The following MGMT variants were observed in gnomAD, a reference collection of about 807,000 sequenced individuals.
The protein encoded by MGMT is methylated-DNA--protein-cysteine methyltransferase.
In MGMT, 14 loss-of-function variants were observed where a neutral mutation model predicts 15.9. The observed-to-expected ratio is 0.88, with a 90% CI of 0.58 to 1.37. The LOEUF (loss-of-function observed/expected upper bound fraction) is 1.37, where lower values mean the gene tolerates loss of function less well. MGMT is among the 40% of genes most tolerant of loss of function. The pLI, the probability that MGMT is intolerant of heterozygous loss-of-function variation, is 0.00. For synonymous variants in MGMT, 130 were observed against 118.2 expected (o/e 1.10, Z -0.65); for missense variants, 282 against 268.1 (o/e 1.05, Z -0.36).
chr10:129,747,592 T>A (rs926972349), intron 3 of MGMT, among the ~76,000 whole-genome samples: 7 of 152,228 alleles, frequency 4.6e-5, no homozygotes, highest in Admixed American at 1.3e-4. Flanking sequence ...ATACCATTGA[T>A]TCTTATTATG....
At chr10:129,541,574 C>T (rs963502372) in intron 2 of MGMT, among the ~76,000 whole-genome samples, 4 of 152,172 alleles carry the variant, frequency 2.6e-5, no homozygotes, top group African/African-American at 9.7e-5. Context: ...CTGGGTCATA[C>T]TTAGATTACA....
chr10:129,759,407 G>C (rs1368774777), intron 4 of MGMT, 66 bp downstream of exon 4: 1 of 1,604,928 alleles, frequency 6.2e-7, no homozygotes, highest in East Asian at 2.2e-5. Flanking sequence ...GGTGTCATCT[G>C]ATCCCACGTG....
At chr10:129,544,462 G>A (rs1331602633) in intron 2 of MGMT, among the ~76,000 whole-genome samples, 2 of 152,216 alleles carry the variant, frequency 1.3e-5, no homozygotes, top group African/African-American at 4.8e-5. Flanking sequence ...GGGGGTTTGG[G>A]TGTAGCCCCG....
At chr10:129,517,639 T>C (rs60407261) in intron 1 of MGMT, among the ~76,000 whole-genome samples, 37,833 of 152,178 alleles carry the variant, frequency 0.25, 5,666 homozygotes, top group African/African-American at 0.42. Flanking sequence ...ACAAGGCTTC[T>C]TGAGGGTGGG....
intron 2 of MGMT, among the ~76,000 whole-genome samples, chr10:129,695,158 A>G (rs751537780): frequency 2.6e-5 from 4 of 152,216 alleles, no homozygotes; most frequent in Non-Finnish European, 5.9e-5. Context: ...TAGTCAAGAT[A>G]CTTGTCTGAG....
At chr10:129,559,158 G>A (rs1435706180) in intron 2 of MGMT, among the ~76,000 whole-genome samples, 1 of 152,088 alleles carries the variant, frequency 6.6e-6, no homozygotes, top group Non-Finnish European at 1.5e-5. Flanking sequence ...ACTCTCCTTA[G>A]GTGAGTGACT....
chr10:129,577,359 C>T (rs1350630276), intron 2 of MGMT, among the ~76,000 whole-genome samples: 1 of 152,122 alleles, frequency 6.6e-6, no homozygotes, highest in Non-Finnish European at 1.5e-5. Context: ...TGGAACAGAA[C>T]AGAGCCCTCA....
chr10:129,681,228 T>G (rs1193410376), intron 2 of MGMT, among the ~76,000 whole-genome samples: 2 of 152,226 alleles, frequency 1.3e-5, no homozygotes, highest in Admixed American at 1.3e-4. Flanking sequence ...TGCCCCGCTG[T>G]GGCACTGTAA....
chr10:129,594,756 A>C (rs1013188371), intron 2 of MGMT, among the ~76,000 whole-genome samples: 1 of 152,200 alleles, frequency 6.6e-6, no homozygotes, highest in Non-Finnish European at 1.5e-5. Context: ...CTCCTACCAC[A>C]GATACTGTCC....
chr10:129,496,728 A>C (rs1845525839), intron 1 of MGMT, among the ~76,000 whole-genome samples: 1 of 152,236 alleles, frequency 6.6e-6, no homozygotes, highest in African/African-American at 2.4e-5. Context: ...GAAATAACTC[A>C]CAAGGGAGCC....
At chr10:129,674,179 A>G (rs1247027599) in intron 2 of MGMT, among the ~76,000 whole-genome samples, 1 of 152,234 alleles carries the variant, frequency 6.6e-6, no homozygotes, top group Non-Finnish European at 1.5e-5. Flanking sequence ...CCAAAGTCAT[A>G]CAATTAGAAA....
rs1017857960 is a variant in MGMT, at chr10:129,556,495, G to A, written c.125+20118G>A. ...GTGCCTACACCTTGGGTTCAGACTT[G>A]CAGCACCCAGGCTGCAGGGCTTCGT... On this transcript the variant is annotated intron_variant, in intron 2 of 4. Transcript: ENST00000651593. The surrounding 1 kb of genome is among the most constrained non-coding windows in gnomAD (Gnocchi z 4.3). Among the ~76,000 whole-genome samples the A allele has an allele frequency of 1.3e-5, 2 of 152,170 alleles. No individual in the cohort carries two copies. Among genetic ancestry groups the A allele is most frequent in the African/African-American group, 4.8e-5 (2 of 41,444 alleles).
At chr10:129,728,303 C>T (rs1476118819) in intron 3 of MGMT, among the ~76,000 whole-genome samples, 3 of 152,116 alleles carry the variant, frequency 2.0e-5, no homozygotes, top group South Asian at 2.1e-4. Flanking sequence ...GTGGCATGGA[C>T]GTGAGCGATG....
intron 2 of MGMT, among the ~76,000 whole-genome samples, chr10:129,705,301 CA>C (rs1473881233): frequency 2.6e-5 from 4 of 152,204 alleles, no homozygotes; most frequent in African/African-American, 9.6e-5. Context: ...AGATGGAATG[CA>C]AAAGAGGTTC....
intron 1 of MGMT, among the ~76,000 whole-genome samples, chr10:129,474,789 T>C (rs955515819): frequency 3.3e-5 from 5 of 152,174 alleles, no homozygotes; most frequent in Non-Finnish European, 7.3e-5. Context: ...TTAAACACCA[T>C]GACGTGTTTC....
At chr10:129,690,138 G>A (rs536011341) in intron 2 of MGMT, among the ~76,000 whole-genome samples, 4 of 152,240 alleles carry the variant, frequency 2.6e-5, no homozygotes, top group East Asian at 1.9e-4. Flanking sequence ...AAACAGACAC[G>A]CAGTAGAAGC....
chr10:129,664,450 G>C (rs1187128602), intron 2 of MGMT, among the ~76,000 whole-genome samples: 2 of 152,196 alleles, frequency 1.3e-5, no homozygotes, highest in Non-Finnish European at 2.9e-5. Context: ...TGGTGCAGTT[G>C]ACTTGGAATC....
intron 2 of MGMT, among the ~76,000 whole-genome samples, chr10:129,699,894 ACAGT>A (rs1848076952): frequency 1.3e-5 from 2 of 152,122 alleles, no homozygotes; most frequent in Admixed American, 6.5e-5. Flanking sequence ...TAAACACATA[ACAGT>A]CAATCAGTAG....
intron 2 of MGMT, among the ~76,000 whole-genome samples, chr10:129,562,388 A>G (rs1410854678): frequency 1.3e-5 from 2 of 152,218 alleles, no homozygotes; most frequent in Non-Finnish European, 2.9e-5. Context: ...GTGGGCTGCC[A>G]TGGCCCTGGC....
Sources: allele counts gnomAD v4.1 joint callset (sites outside exome capture counted in the v4.1 genomes callset), GRCh38; gene constraint gnomAD v4.1.1; non-coding constraint Gnocchi (gnomAD v3.1); transcripts MANE v1.5; gene names NCBI Gene and HGNC (gene_info 2026-07-23, HGNC 2026-07-21).